DGKH: variants seen among roughly 807,000 people sequenced by gnomAD.
DGKH encodes the protein DAG kinase eta.
In DGKH, 90 loss-of-function variants were observed where a neutral mutation model predicts 159.3. The observed-to-expected ratio is 0.57, with a 90% CI of 0.48 to 0.67. DGKH has a LOEUF of 0.67. Ranked by LOEUF, DGKH falls within the 30% of genes least tolerant of loss-of-function variation. The pLI, the probability that DGKH is intolerant of heterozygous loss-of-function variation, is 0.00. For synonymous variants in DGKH, 536 were observed against 553.8 expected, an observed-to-expected ratio of 0.97 and a Z score of 0.45; for missense variants, 1,181 against 1,506.1, an observed-to-expected ratio of 0.78 and a Z score of 3.57.
intron 21 of DGKH, among the ~76,000 whole-genome samples, chr13:42,208,751 C>A (rs9566939): frequency 0.52 from 78,764 of 150,844 alleles, 21,053 homozygotes; most frequent in Non-Finnish European, 0.59. Flanking sequence ...GTAGTATATC[C>A]GTGTATATTT....
intron 1 of DGKH, among the ~76,000 whole-genome samples, chr13:42,126,610 G>A (rs905243940): frequency 6.6e-6 from 1 of 152,212 alleles, no homozygotes; most frequent in Non-Finnish European, 1.5e-5. Flanking sequence ...CAGAGTCCCT[G>A]CCTACCTCTT....
At chr13:42,175,682 CT>C (rs1423343281) in intron 12 of DGKH, among the ~76,000 whole-genome samples, 10 of 151,938 alleles carry the variant, frequency 6.6e-5, no homozygotes, top group African/African-American at 2.4e-4. Flanking sequence ...TTAAATGAAA[CT>C]TTGCTTTTTA....
In DGKH at chr13:42,198,966, A is replaced by C. The variant is rs139470269; in HGVS notation, c.2285+371A>C. Reference sequence around the variant, plus strand: ...ACTTATTTTGGGAATCTTTTGGCCCACACTGATCTCTTCCCTTCTTAAGAC... The same window carrying C: ...ACTTATTTTGGGAATCTTTTGGCCCCCACTGATCTCTTCCCTTCTTAAGAC... On this transcript the variant is annotated intron_variant, in intron 18 of 29. Transcript: ENST00000337343. 9.2e-5 allele frequency among the ~76,000 whole-genome samples: 14 copies of C among 152,274 alleles called. No individual in the cohort carries two copies. The East Asian group carries it at 2.7e-3, about 29-fold the overall frequency.
chr13:42,137,071 A>G (rs1399929932), intron 3 of DGKH, among the ~76,000 whole-genome samples: 1 of 152,088 alleles, frequency 6.6e-6, no homozygotes, highest in Non-Finnish European at 1.5e-5. Context: ...TTTCCTTTCT[A>G]TTTATTCTGC....
chr13:42,046,600 A>T (rs1481667494), upstream of DGKH, among the ~76,000 whole-genome samples: 2 of 152,268 alleles, frequency 1.3e-5, no homozygotes, highest in African/African-American at 4.8e-5. Context: ...TTAAGCAATC[A>T]GTGTTCAAAT....
At chr13:42,151,480 T>G (rs1214590862) in intron 3 of DGKH, among the ~76,000 whole-genome samples, 21 of 32,590 alleles carry the variant, frequency 6.4e-4, no homozygotes, top group South Asian at 2.4e-3. Flanking sequence ...TATTCCATGG[T>G]GTGTGTGTGT....
chr13:42,150,968 T>G lies in DGKH; in HGVS notation c.385-4323T>G, dbSNP rs149800415. Among the ~76,000 whole-genome samples, 280 of 151,896 alleles carry G rather than the reference T, an allele frequency of 1.8e-3. 1 individual carries two copies. Among genetic ancestry groups the G allele is most frequent in the African/African-American group, 6.4e-3 (265 of 41,420 alleles). The stretch of plus-strand genomic sequence containing the variant: ...AGGAATCAGAGAGTCAGAGAAGGTG[T>G]GACTATGAAGGCAAGAGGTTGGAGA... On this transcript the variant is annotated intron_variant, in intron 3 of 29. Transcript: ENST00000337343.
chr13:42,141,937 T>G (rs1955573221), intron 3 of DGKH, among the ~76,000 whole-genome samples: 2 of 151,644 alleles, frequency 1.3e-5, no homozygotes, highest in Non-Finnish European at 2.9e-5. Flanking sequence ...TTGTTGCCAT[T>G]GCTTTTGGTG....
At chr13:42,162,586 C>G (rs1231242493) in intron 7 of DGKH, among the ~76,000 whole-genome samples, 1 of 152,052 alleles carries the variant, frequency 6.6e-6, no homozygotes, top group Non-Finnish European at 1.5e-5. Flanking sequence ...GGTGGATCAT[C>G]TGAGGTCAGA....
upstream of DGKH, among the ~76,000 whole-genome samples, chr13:42,047,616 G>A (rs1880879343): frequency 6.6e-6 from 1 of 152,216 alleles, no homozygotes; most frequent in South Asian, 2.1e-4. Flanking sequence ...TTGACGTTGA[G>A]CGTGCACAAC....
intron 1 of DGKH, among the ~76,000 whole-genome samples, chr13:42,071,708 C>A (rs1265278421): frequency 1.3e-5 from 2 of 152,204 alleles, no homozygotes; most frequent in Non-Finnish European, 2.9e-5. Flanking sequence ...AAGCTACTGT[C>A]CATCTTACTC....
chr13:42,131,124 A>G (rs1955280169), intron 3 of DGKH, among the ~76,000 whole-genome samples: 2 of 152,142 alleles, frequency 1.3e-5, no homozygotes, highest in South Asian at 4.1e-4. Flanking sequence ...GGCAGGCATT[A>G]GGCTGTACTG....
At position 42,128,810 on chromosome 13, in the gene DGKH, C is replaced by CA. The variant is rs796761202; in HGVS notation, c.304-741dup. Reference sequence around the variant, plus strand: ...AGTCAACGAACAAGTCTTACAGTCACATTGGTTGAATTGAAGTAGACTAGT... The same window carrying CA: ...AGTCAACGAACAAGTCTTACAGTCACAATTGGTTGAATTGAAGTAGACTAGT... On this transcript the variant is annotated intron_variant, in intron 2 of 29. Coordinates refer to ENST00000337343, the MANE Select transcript of DGKH (RefSeq NM_178009.5). Among the ~76,000 whole-genome samples the CA allele has an allele frequency of 6.6e-5, 10 of 152,308 alleles. 1 individual carries two copies. Among genetic ancestry groups the CA allele is most frequent in the African/African-American group, 2.4e-4 (10 of 41,562 alleles).
At chr13:42,182,927 A>C (rs1956812446) in intron 13 of DGKH, among the ~76,000 whole-genome samples, 1 of 151,632 alleles carries the variant, frequency 6.6e-6, no homozygotes, top group Admixed American at 6.6e-5. Context: ...AAAAAACCAC[A>C]CACACTTTAT....
chr13:42,174,010 T>C (rs1956537589), intron 11 of DGKH, 50 bp from the exon 12 acceptor site: 22 of 1,440,980 alleles, frequency 1.5e-5, no homozygotes, highest in East Asian at 2.3e-5. Flanking sequence ...TAACAGTTAG[T>C]TTATCCAATT....
At chr13:42,061,406 G>T (rs1882158395) in intron 1 of DGKH, among the ~76,000 whole-genome samples, 1 of 151,992 alleles carries the variant, frequency 6.6e-6, no homozygotes, top group Non-Finnish European at 1.5e-5. Flanking sequence ...AAATGATTTG[G>T]GGCTGCTTTT....
At chr13:42,189,462 C>CATAGTCTTATATATTGTT (rs1168939789) in intron 15 of DGKH, among the ~76,000 whole-genome samples, 153 bp downstream of exon 15, 25 of 151,902 alleles carry the variant, frequency 1.6e-4, no homozygotes, top group African/African-American at 5.8e-4. Flanking sequence ...AAAACTTGTA[C>CATAGTCTTATATATTGTT]ATAGTCTTAT....
intron 1 of DGKH, among the ~76,000 whole-genome samples, chr13:42,067,664 G>A (rs1045246050): frequency 2.0e-5 from 3 of 151,750 alleles, no homozygotes; most frequent in African/African-American, 7.3e-5. Flanking sequence ...GCAATTAATA[G>A]TACATTTCTT....
chr13:42,222,556 CA>C (rs1310179737), intron 29 of DGKH, among the ~76,000 whole-genome samples: 2 of 152,082 alleles, frequency 1.3e-5, no homozygotes, highest in Admixed American at 1.3e-4. Context: ...GTTCATAAAG[CA>C]AAAGTTGGCT....
Sources: gnomAD v4.1 joint callset for allele counts (sites outside exome capture counted in the v4.1 genomes callset) on GRCh38, gnomAD v4.1.1 for gene constraint, MANE v1.5 for transcripts, NCBI Gene and HGNC (gene_info 2026-07-23, HGNC 2026-07-21) for gene names.